PCDHA3: variants seen among roughly 807,000 people sequenced by gnomAD.
The protein encoded by PCDHA3 is protocadherin alpha 3.
A neutral mutation model predicts 62.2 loss-of-function variants in PCDHA3; 41 were observed. The observed-to-expected ratio is 0.66, with a 90% confidence interval of 0.51 to 0.86. The LOEUF is 0.86. Among genes scored for constraint, PCDHA3 ranks in the 40% least tolerant of loss-of-function variants. The probability of loss-of-function intolerance (pLI) is 0.00; values close to 1 mark genes in which losing one functional copy is unlikely to be tolerated. For synonymous variants in PCDHA3, 640 were observed against 555.4 expected (o/e 1.15, Z -2.14); for missense variants, 1,304 against 1,241.2 (o/e 1.05, Z -0.76).
intron 1 of PCDHA3, chr5:140,834,683 G>T: frequency 6.2e-7 from 1 of 1,614,256 alleles, no homozygotes; most frequent in South Asian, 1.1e-5. Flanking sequence ...GGCGGAGCGC[G>T]GAGTGCAGCA....
chr5:140,881,491 C>A (rs1476916826), intron 1 of PCDHA3: 2 of 285,934 alleles, frequency 7.0e-6, no homozygotes, highest in Non-Finnish European at 1.1e-5. Flanking sequence ...TGTGTTTATG[C>A]ACATACACAC....
chr5:140,830,469 A>C (rs2150186918), intron 1 of PCDHA3: 5 of 1,570,612 alleles, frequency 3.2e-6, no homozygotes, highest in Non-Finnish European at 8.7e-7. Flanking sequence ...GATTTAAATG[A>C]AGATCATGAT....
chr5:140,853,024 G>T, intron 1 of PCDHA3: 1 of 260,054 alleles, frequency 3.8e-6, no homozygotes, highest in Non-Finnish European at 6.3e-6. Context: ...GACTACAGGC[G>T]CCTGCCACCA....
intron 1 of PCDHA3, chr5:140,835,967 G>A (rs2150249249): frequency 2.5e-6 from 4 of 1,613,286 alleles, no homozygotes; most frequent in Admixed American, 1.7e-5. Context: ...ACGAGGAGCT[G>A]GAGCTGTTGC....
At chr5:140,851,776 A>G (rs2042157879) in intron 1 of PCDHA3, 1 of 964,146 alleles carries the variant, frequency 1.0e-6, no homozygotes, top group South Asian at 4.8e-5. Flanking sequence ...TTATGAATTT[A>G]GATGAGAATT....
chr5:140,946,405 T>C (rs1554217546), intron 1 of PCDHA3, among the ~76,000 whole-genome samples: 1 of 151,592 alleles, frequency 6.6e-6, no homozygotes, highest in South Asian at 2.1e-4. Context: ...AGTACAATCA[T>C]AGAAAACAAT....
At chr5:140,860,133 G>GTATATATATGTATATATGTGTA (rs2046204026) in intron 1 of PCDHA3, 2 of 149,192 alleles carry the variant, frequency 1.3e-5, no homozygotes, top group African/African-American at 2.5e-5. Context: ...GTGTGTGTGT[G>GTATATATATGTATATATGTGTA]TATATATATG....
chr5:140,832,831 C>T (rs2150204521), intron 1 of PCDHA3, among the ~76,000 whole-genome samples: 27 of 152,028 alleles, frequency 1.8e-4, no homozygotes, highest in Non-Finnish European at 3.5e-4. Context: ...TGCCTTTTTC[C>T]CTTGTTGAAG....
At chr5:140,830,305 G>T (rs2150184776) in intron 1 of PCDHA3, 2 of 1,613,830 alleles carry the variant, frequency 1.2e-6, no homozygotes, top group Non-Finnish European at 1.7e-6. Flanking sequence ...ACAAGCCCAC[G>T]CTGGTGTGCT....
At chr5:140,927,905 C>T in intron 1 of PCDHA3, 3 of 1,614,210 alleles carry the variant, frequency 1.9e-6, no homozygotes, top group Non-Finnish European at 2.5e-6. Context: ...GATCATGCCC[C>T]CGAACTGGAC....
intron 1 of PCDHA3, among the ~76,000 whole-genome samples, chr5:140,975,996 C>G (rs923472287): frequency 4.6e-5 from 7 of 152,064 alleles, no homozygotes; most frequent in African/African-American, 1.7e-4. Flanking sequence ...GAGGTACCAT[C>G]TAAGTATTAA....
At chr5:140,884,496 G>T (rs782182672) in intron 1 of PCDHA3, 1 of 1,614,094 alleles carries the variant, frequency 6.2e-7, no homozygotes, top group Non-Finnish European at 8.5e-7. Flanking sequence ...GTGTGCTCCA[G>T]CGCGGCAGGG....
intron 1 of PCDHA3, among the ~76,000 whole-genome samples, chr5:140,955,355 G>A (rs1406631698): frequency 1.3e-5 from 2 of 152,086 alleles, no homozygotes; most frequent in African/African-American, 4.8e-5. Flanking sequence ...GTTGTGAGAG[G>A]GACCCAGTGG....
At chr5:140,952,111 G>A (rs1040553968) in intron 1 of PCDHA3, among the ~76,000 whole-genome samples, 1 of 152,086 alleles carries the variant, frequency 6.6e-6, no homozygotes, top group Non-Finnish European at 1.5e-5. Context: ...ACTCGTGTGA[G>A]GGATGGGCTC....
Position 140,834,771 on chromosome 5 carries a change from C to A in PCDHA3, c.2394+31180C>A, listed in dbSNP as rs2150226115. 3 of 1,613,992 alleles carry A rather than the reference C, an allele frequency of 1.9e-6. No individual in the cohort carries two copies. In the South Asian group the frequency reaches 3.3e-5, roughly 18 times the overall value. On this transcript the variant is annotated intron_variant, in intron 1 of 3. Transcript: ENST00000522353. ...GGAGGTGAAGGACATTAACGACAAC[C>A]CTCCGGTGTTCCCAGCGACACAAAG...
intron 1 of PCDHA3, chr5:140,854,476 A>G (rs1156843367): frequency 6.7e-6 from 1 of 150,032 alleles, no homozygotes. Flanking sequence ...GTAGAGAAGT[A>G]TAGAAACAGA....
intron 1 of PCDHA3, chr5:140,884,016 G>C (rs143828814): frequency 1.2e-6 from 2 of 1,613,208 alleles, no homozygotes; most frequent in Non-Finnish European, 8.5e-7. Flanking sequence ...CTGATGCCGC[G>C]GTCGGTGGGT....
intron 1 of PCDHA3, chr5:140,854,783 A>C (rs1360368863): frequency 6.7e-6 from 1 of 149,694 alleles, no homozygotes; most frequent in East Asian, 1.9e-4. Flanking sequence ...GATTTCAAGA[A>C]CTTTGAGAGA....
intron 1 of PCDHA3, among the ~76,000 whole-genome samples, chr5:140,895,788 G>A (rs947578940): frequency 3.9e-5 from 6 of 152,014 alleles, no homozygotes; most frequent in East Asian, 1.9e-4. Context: ...ATTCAATGAC[G>A]TATATGTACA....
Sources: allele counts gnomAD v4.1 joint callset (sites outside exome capture counted in the v4.1 genomes callset), GRCh38; gene constraint gnomAD v4.1.1; transcripts MANE v1.5; gene names NCBI Gene and HGNC (gene_info 2026-07-23, HGNC 2026-07-21).